The following ATF6 variants were observed in gnomAD, a reference collection of about 807,000 sequenced individuals.
The protein encoded by ATF6 is cyclic AMP-dependent transcription factor ATF-6 alpha.
ATF6 carries 53 observed loss-of-function variants against 83.6 expected under a neutral mutation model. The observed-to-expected ratio is 0.63, with a 90% CI of 0.51 to 0.80. The LOEUF is 0.80. ATF6 is among the 30% of genes least tolerant of loss of function. ATF6 has a pLI of 0.00. For synonymous variants in ATF6, 288 were observed against 285.8 expected (o/e 1.01, Z -0.08); for missense variants, 744 against 797.9 (o/e 0.93, Z 0.81).
intron 15 of ATF6, among the ~76,000 whole-genome samples, chr1:161,950,233 G>A (rs781536688): frequency 6.6e-6 from 1 of 152,132 alleles, no homozygotes; most frequent in Non-Finnish European, 1.5e-5. Context: ...GTTCCTTCAT[G>A]CTCTAGAATT....
intron 10 of ATF6, among the ~76,000 whole-genome samples, chr1:161,849,841 C>T (rs1019580938): frequency 6.6e-6 from 1 of 152,158 alleles, no homozygotes; most frequent in Non-Finnish European, 1.5e-5. Context: ...ACATTTCAAA[C>T]TTAACATGTG....
At chr1:161,807,515 A>G (rs147828472) in intron 7 of ATF6, among the ~76,000 whole-genome samples, 2 of 152,304 alleles carry the variant, frequency 1.3e-5, no homozygotes, top group African/African-American at 2.4e-5. Flanking sequence ...AACAAATCCA[A>G]TAGGAAGGAT....
intron 14 of ATF6, among the ~76,000 whole-genome samples, chr1:161,904,053 C>T (rs1009765335): frequency 1.3e-5 from 2 of 152,128 alleles, no homozygotes; most frequent in African/African-American, 2.4e-5. Context: ...TTAGAAGGAC[C>T]TACCATTGGC....
chr1:161,898,722 A>AT (rs1172338610), intron 14 of ATF6, among the ~76,000 whole-genome samples: 2 of 151,810 alleles, frequency 1.3e-5, no homozygotes, highest in Non-Finnish European at 2.9e-5. Flanking sequence ...TAATTTTTGT[A>AT]TTTTTAGTAG....
intron 13 of ATF6, 112 bp downstream of exon 13, chr1:161,860,389 A>T: frequency 2.3e-6 from 1 of 425,670 alleles, no homozygotes; most frequent in Non-Finnish European, 4.2e-6. Context: ...TATGAGTTTT[A>T]TATTAGTCAT....
chr1:161,862,824 G>A (rs183088291), intron 13 of ATF6, among the ~76,000 whole-genome samples: 1 of 151,930 alleles, frequency 6.6e-6, no homozygotes, highest in African/African-American at 2.4e-5. Flanking sequence ...TCGACAGGGT[G>A]GTGAAAAATG....
Position 161,850,190 on chromosome 1 carries a change from T to A in ATF6, c.1320-1532T>A, listed in dbSNP as rs139813842. On this transcript the variant is annotated intron_variant, in intron 10 of 15. Transcript: ENST00000367942. ...ATCACTTCTTTATTTGAAACACTTTTATGACTTCTTATTACATTTAGTAAT... is the reference window on the plus strand; with the variant it reads ...ATCACTTCTTTATTTGAAACACTTTAATGACTTCTTATTACATTTAGTAAT... Among the ~76,000 whole-genome samples the A allele has an allele frequency of 3.4e-3, 512 of 152,362 alleles. 3 individuals carry two copies. Among genetic ancestry groups the A allele is most frequent in the Non-Finnish European group, 5.0e-3 (342 of 68,028 alleles).
chr1:161,808,094 G>A (rs563980563), intron 7 of ATF6, among the ~76,000 whole-genome samples: 17 of 151,910 alleles, frequency 1.1e-4, no homozygotes, highest in African/African-American at 3.9e-4. Flanking sequence ...TGGCCAGGCT[G>A]TTCTCAAACT....
In ATF6 at chr1:161,960,386, G is replaced by C. The variant is rs1020935161; in HGVS notation, c.*1732G>C. 1 of 152,196 alleles carries C rather than the reference G, an allele frequency of 6.6e-6. No homozygotes were observed. Among genetic ancestry groups the C allele is most frequent in the Non-Finnish European group, 1.5e-5 (1 of 68,034 alleles). The allele number at this position is 152,196 out of a possible 1,614,324, so 9.4% of individuals were successfully genotyped here. ...AATTTCTCTTCTTCCTTACAAGAAA[G>C]GGAACGAGAAATTGTAGCAACCTCT... On this transcript the variant is annotated 3_prime_UTR_variant, in exon 16 of 16. Transcript: ENST00000367942.
intron 14 of ATF6, among the ~76,000 whole-genome samples, chr1:161,865,584 G>A (rs1445212234): frequency 2.0e-5 from 3 of 152,190 alleles, no homozygotes; most frequent in Non-Finnish European, 4.4e-5. Context: ...TAAAAGTGCT[G>A]TTAGAAAATT....
At chr1:161,886,778 G>A (rs1687430765) in intron 14 of ATF6, among the ~76,000 whole-genome samples, 1 of 152,202 alleles carries the variant, frequency 6.6e-6, no homozygotes. Flanking sequence ...CTTAGCCAGT[G>A]TCACACAGCT....
At chr1:161,879,888 CA>C (rs1687288756) in intron 14 of ATF6, among the ~76,000 whole-genome samples, 1 of 151,930 alleles carries the variant, frequency 6.6e-6, no homozygotes, top group Non-Finnish European at 1.5e-5. Context: ...TTAATAATGC[CA>C]TTTTGTTTTC....
chr1:161,825,065 T>A (rs1685860143), intron 9 of ATF6, among the ~76,000 whole-genome samples: 1 of 152,252 alleles, frequency 6.6e-6, no homozygotes, highest in Admixed American at 6.5e-5. Context: ...AATTCTTTTT[T>A]AAATTTTAAT....
At position 161,819,862 on chromosome 1, in the gene ATF6, C is replaced by T. The variant is rs374761378; in HGVS notation, c.1095+44C>T. On this transcript the variant is annotated intron_variant, in intron 8 of 15. Coordinates refer to ENST00000367942, the MANE Select transcript of ATF6 (RefSeq NM_007348.4). ...GCTGAGTCGAGATGGGCTAAAGTAT[C>T]CTCTGGATTAATAAATAGAGAAACT... is the stretch of plus-strand genomic sequence containing the variant. 138 of 1,466,756 alleles carry T rather than the reference C, an allele frequency of 9.4e-5. 1 individual carries two copies. In the African/African-American group the frequency reaches 1.7e-3, roughly 19 times the overall value. The allele number at this position is 1,466,756 out of a possible 1,614,324, so 90.9% of individuals were successfully genotyped here. A position where few individuals can be genotyped will look rare whatever the true frequency, so the allele number is the denominator to read the frequency against.
chr1:161,915,004 A>G (rs1388192354), intron 15 of ATF6, among the ~76,000 whole-genome samples: 1 of 152,222 alleles, frequency 6.6e-6, no homozygotes, highest in African/African-American at 2.4e-5. Context: ...GCCAGTCATT[A>G]CTAGTAAATT....
At chr1:161,822,575 CAT>C (rs896959069) in intron 9 of ATF6, among the ~76,000 whole-genome samples, 9 of 151,992 alleles carry the variant, frequency 5.9e-5, no homozygotes, top group African/African-American at 1.7e-4. Flanking sequence ...GATTTTCAAA[CAT>C]ATAGGAAATT....
intron 2 of ATF6, among the ~76,000 whole-genome samples, chr1:161,780,611 G>C (rs1684611942): frequency 6.6e-6 from 1 of 152,128 alleles, no homozygotes; most frequent in Admixed American, 6.6e-5. Flanking sequence ...CTGACCTCGT[G>C]ATCCACCTGC....
intron 1 of ATF6, among the ~76,000 whole-genome samples, chr1:161,770,146 C>T (rs1285913105): frequency 6.6e-6 from 1 of 152,132 alleles, no homozygotes. Flanking sequence ...TTGCCTTTTG[C>T]AGAATGTCAT....
intron 15 of ATF6, among the ~76,000 whole-genome samples, chr1:161,956,939 C>A (rs989763643): frequency 6.6e-6 from 1 of 152,120 alleles, no homozygotes; most frequent in Middle Eastern, 3.2e-3. Context: ...CATGCACACA[C>A]AAAACTTTGC....
Sources: gnomAD v4.1 joint callset for allele counts (sites outside exome capture counted in the v4.1 genomes callset) on GRCh38, gnomAD v4.1.1 for gene constraint, MANE v1.5 for transcripts, NCBI Gene and HGNC (gene_info 2026-07-23, HGNC 2026-07-21) for gene names.